Variants in CACNA2D3 observed in about 807,000 individuals in gnomAD.
CACNA2D3 encodes the protein voltage-dependent calcium channel subunit alpha-2/delta-3.
CACNA2D3 carries 60 observed loss-of-function variants against 160.6 expected under a neutral mutation model. The ratio of observed to expected loss-of-function variants is 0.37; its 90% CI spans 0.30 to 0.46. CACNA2D3 has a LOEUF of 0.46. Ranked by LOEUF, CACNA2D3 falls within the 20% of genes least tolerant of loss-of-function variation. The pLI is 1.00. For missense variants in CACNA2D3, 1,205 were observed against 1,365.0 expected (o/e 0.88, Z 1.85); for synonymous variants, 558 against 492.9 (o/e 1.13, Z -1.75).
At position 54,159,059 on chromosome 3, in the gene CACNA2D3, C is replaced by T. The variant is rs78751352; in HGVS notation, c.204+35465C>T. On this transcript the variant is annotated intron_variant, in intron 2 of 37. Coordinates refer to ENST00000474759, the MANE Select transcript of CACNA2D3 (RefSeq NM_018398.3). ...TCCAATGCCAGAAGCTTTGCCTCCC[C>T]TCCAGTTTAAATCATCCTTTTGAAT... is the stretch of plus-strand genomic sequence containing the variant. 0.014 allele frequency among the ~76,000 whole-genome samples: 2,178 copies of T among 152,312 alleles called. 124 individuals are homozygous for T. In the East Asian group the frequency reaches 0.21, roughly 14 times the overall value.
intron 2 of CACNA2D3, among the ~76,000 whole-genome samples, chr3:54,149,737 G>A (rs1700103276): frequency 6.6e-6 from 1 of 152,126 alleles, no homozygotes; most frequent in South Asian, 2.1e-4. Flanking sequence ...AGTGTGATGT[G>A]TTTTGGGTAC....
intron 9 of CACNA2D3, among the ~76,000 whole-genome samples, chr3:54,593,211 A>C (rs1251638632): frequency 6.6e-6 from 1 of 152,212 alleles, no homozygotes; most frequent in Non-Finnish European, 1.5e-5. Context: ...CATGTAAATA[A>C]ATTCTAGATC....
At chr3:55,030,103 T>A in intron 35 of CACNA2D3, among the ~76,000 whole-genome samples, 1 of 152,260 alleles carries the variant, frequency 6.6e-6, no homozygotes, top group South Asian at 2.1e-4. Context: ...TACTTCCTTA[T>A]ATCTTGCCAT....
At chr3:54,794,036 C>A (rs1249886423) in intron 13 of CACNA2D3, among the ~76,000 whole-genome samples, 1 of 152,050 alleles carries the variant, frequency 6.6e-6, no homozygotes, top group African/African-American at 2.4e-5. Flanking sequence ...TCTTAGATTT[C>A]TTTTAATGTC....
At chr3:54,624,409 T>G (rs981246103) in intron 9 of CACNA2D3, among the ~76,000 whole-genome samples, 1 of 151,954 alleles carries the variant, frequency 6.6e-6, no homozygotes, top group East Asian at 1.9e-4. Context: ...GATCATGAGG[T>G]CAGGAGATCG....
At chr3:54,893,859 G>A (rs1443106421) in intron 25 of CACNA2D3, among the ~76,000 whole-genome samples, 5 of 152,022 alleles carry the variant, frequency 3.3e-5, no homozygotes, top group Admixed American at 6.6e-5. Flanking sequence ...CCTTCACAGC[G>A]TACAGCCTTA....
intron 2 of CACNA2D3, among the ~76,000 whole-genome samples, chr3:54,150,700 A>T (rs924742608): frequency 1.3e-5 from 2 of 152,276 alleles, no homozygotes; most frequent in Admixed American, 1.3e-4. Flanking sequence ...TAAGTCATAC[A>T]TGAAAACAAA....
chr3:55,016,407 G>A (rs1703327862), intron 34 of CACNA2D3, among the ~76,000 whole-genome samples: 1 of 152,170 alleles, frequency 6.6e-6, no homozygotes, highest in Non-Finnish European at 1.5e-5. Context: ...AGCAGACGAG[G>A]ACACTAAGAT....
intron 8 of CACNA2D3, among the ~76,000 whole-genome samples, chr3:54,577,441 A>G (rs147126149): frequency 1.6e-4 from 24 of 152,288 alleles, no homozygotes; most frequent in African/African-American, 5.3e-4. Flanking sequence ...ATGACATGGC[A>G]TCTTATCCCC....
At position 54,174,744 on chromosome 3, in the gene CACNA2D3, T is replaced by C. The variant is rs997752564; in HGVS notation, c.204+51150T>C. Among the ~76,000 whole-genome samples, 9 of 152,250 alleles carry C rather than the reference T, an allele frequency of 5.9e-5. No individual in the cohort carries two copies. In the South Asian group the frequency reaches 1.0e-3, roughly 18 times the overall value. Reference sequence around the variant, plus strand: ...GTTTCACCGTGTTAGCCAGGATGGTTTCGATCTCCTGACCTTGTGATCCAC... The same window carrying C: ...GTTTCACCGTGTTAGCCAGGATGGTCTCGATCTCCTGACCTTGTGATCCAC... On this transcript the variant is annotated intron_variant, in intron 2 of 37. Coordinates refer to ENST00000474759, the MANE Select transcript of CACNA2D3 (RefSeq NM_018398.3).
intron 9 of CACNA2D3, among the ~76,000 whole-genome samples, chr3:54,599,609 G>T (rs564904731): frequency 1.7e-3 from 256 of 150,574 alleles, no homozygotes; most frequent in Non-Finnish European, 2.8e-3. Flanking sequence ...TTAATAAGGT[G>T]GGGGGGAGGA....
In CACNA2D3 at chr3:54,646,153, TCC is replaced by T. The variant is rs1699637217; in HGVS notation, c.1167+3914_1167+3915del. Reference sequence around the variant, plus strand: ...TTCCTTCCTTCCTTCCTTCCTTCCCTCCCTCCCTCCCTCCCTCCCTCCCTCCC... The same window carrying T: ...TTCCTTCCTTCCTTCCTTCCTTCCCTCTCCCTCCCTCCCTCCCTCCCTCCC... On this transcript the variant is annotated intron_variant, in intron 11 of 37. Coordinates refer to ENST00000474759, the MANE Select transcript of CACNA2D3 (RefSeq NM_018398.3). Among the ~76,000 whole-genome samples, 9 of 8,602 alleles carry T rather than the reference TCC, an allele frequency of 1.0e-3. 1 individual carries two copies. Among genetic ancestry groups the T allele is most frequent in the African/African-American group, 2.1e-3 (8 of 3,790 alleles). The allele number at this position is 8,602 out of a possible 152,430, so 5.6% of individuals were successfully genotyped here.
chr3:54,617,492 C>G (rs1366574212), intron 9 of CACNA2D3, among the ~76,000 whole-genome samples: 1 of 152,212 alleles, frequency 6.6e-6, no homozygotes, highest in Non-Finnish European at 1.5e-5. Flanking sequence ...CCCAGACACA[C>G]ATCCTAAGTT....
At chr3:54,846,688 G>A (rs535128602) in intron 17 of CACNA2D3, among the ~76,000 whole-genome samples, 1 of 152,188 alleles carries the variant, frequency 6.6e-6, no homozygotes, top group Non-Finnish European at 1.5e-5. Context: ...TGTATATAAA[G>A]CCATATATGT....
intron 4 of CACNA2D3, among the ~76,000 whole-genome samples, chr3:54,431,454 C>T (rs1377266544): frequency 3.3e-5 from 5 of 151,874 alleles, no homozygotes; most frequent in African/African-American, 1.2e-4. Context: ...ATTGAGTAGG[C>T]TGATTAGGAG....
intron 2 of CACNA2D3, among the ~76,000 whole-genome samples, chr3:54,140,036 T>G (rs896677288): frequency 1.3e-5 from 2 of 152,218 alleles, no homozygotes; most frequent in Non-Finnish European, 2.9e-5. Flanking sequence ...CATTTTCCTC[T>G]TCCTTAAATG....
chr3:54,804,900 C>T (rs1703080582), intron 13 of CACNA2D3, among the ~76,000 whole-genome samples: 1 of 152,210 alleles, frequency 6.6e-6, no homozygotes, highest in South Asian at 2.1e-4. Context: ...AAGAAACTCA[C>T]TCAAAATGGC....
chr3:54,446,594 T>G (rs1356381051), intron 4 of CACNA2D3, among the ~76,000 whole-genome samples: 1 of 152,156 alleles, frequency 6.6e-6, no homozygotes, highest in Non-Finnish European at 1.5e-5. Context: ...TTTTTTTGTG[T>G]CCTTTTTTTC....
intron 18 of CACNA2D3, chr3:54,874,582 G>T (rs1445223101): frequency 6.6e-6 from 1 of 152,122 alleles, no homozygotes; most frequent in South Asian, 2.1e-4. Context: ...AGCTCTTCCT[G>T]TACACCAGTA....
Sources: gnomAD v4.1 joint callset for allele counts (sites outside exome capture counted in the v4.1 genomes callset) on GRCh38, gnomAD v4.1.1 for gene constraint, MANE v1.5 for transcripts, NCBI Gene and HGNC (gene_info 2026-07-23, HGNC 2026-07-21) for gene names.